The following GMPR variants were observed in gnomAD, a reference collection of about 807,000 sequenced individuals.
The protein encoded by GMPR is GMP reductase 1.
Under a neutral mutation model 38.4 loss-of-function variants are expected in GMPR, and 31 were observed. The observed-to-expected ratio is 0.81, with a 90% CI of 0.61 to 1.09. The LOEUF (loss-of-function observed/expected upper bound fraction) is 1.09. Ranked by LOEUF, GMPR falls within the 50% of genes least tolerant of loss-of-function variation. GMPR has a pLI of 0.00. For synonymous variants in GMPR, 162 were observed against 173.3 expected, an observed-to-expected ratio of 0.93 and a Z score of 0.51; for missense variants, 468 against 453.7, an observed-to-expected ratio of 1.03 and a Z score of -0.29.
At chr6:16,259,014 A>T (rs1191332781) in intron 4 of GMPR, 1 of 151,756 alleles carries the variant, frequency 6.6e-6, no homozygotes, top group Non-Finnish European at 1.5e-5. Flanking sequence ...GCCTTTTTTC[A>T]TGTGCGTCCG....
Position 16,250,369 on chromosome 6 carries a change from TACG to T in GMPR, c.291+5_291+7del. 1 of 1,551,912 alleles carries T rather than the reference TACG, an allele frequency of 6.4e-7. No individual in the cohort carries two copies. The highest frequency in any genetic ancestry group is 1.1e-5 in the South Asian group (1 of 89,846). Reference sequence around the variant, plus strand: ...ACAAATCACCCAGAATGCCTGCAGGTACGACTACAGCCTGGTTATCAATTACCA... The same window carrying T: ...ACAAATCACCCAGAATGCCTGCAGGTACTACAGCCTGGTTATCAATTACCA... On this transcript the variant is annotated splice_donor_5th_base_variant and intron_variant, in intron 3 of 8. Transcript: ENST00000259727.
chr6:16,263,499 AAG>A (rs1429790730), intron 4 of GMPR: 3 of 151,832 alleles, frequency 2.0e-5, no homozygotes, highest in South Asian at 2.1e-4. Flanking sequence ...GCCTAGAGAA[AAG>A]AGAGTAGAGA....
chr6:16,266,790 AAAAAC>A (rs1215581027), intron 4 of GMPR, among the ~76,000 whole-genome samples: 1 of 151,194 alleles, frequency 6.6e-6, no homozygotes, highest in East Asian at 2.0e-4. Flanking sequence ...CTCCGTCTCA[AAAAAC>A]AAACAAACAA....
Position 16,290,448 on chromosome 6 carries a change from C to T in GMPR, c.698-14C>T, listed in dbSNP as rs927185899. 2.5e-6 allele frequency: 4 copies of T among 1,612,566 alleles called. No homozygotes were observed. The highest frequency in any genetic ancestry group is 3.4e-6 in the Non-Finnish European group (4 of 1,178,772). On this transcript the variant is annotated splice_polypyrimidine_tract_variant and intron_variant, in intron 7 of 8. Coordinates refer to ENST00000259727, the MANE Select transcript of GMPR (RefSeq NM_006877.4). ...TCTCTGCTACTCGCTTTCATCCCCA[C>T]CGTTGGCATTTAGGAGCTGGAGCAG...
At chr6:16,279,314 C>G (rs752592773) in intron 6 of GMPR, among the ~76,000 whole-genome samples, 2 of 152,188 alleles carry the variant, frequency 1.3e-5, no homozygotes, top group Admixed American at 6.5e-5. Context: ...TTGCAGGCCT[C>G]TCTGTGACCT....
At chr6:16,285,680 G>A (rs998481999) in intron 6 of GMPR, 113 bp from the exon 7 acceptor site, 9 of 819,312 alleles carry the variant, frequency 1.1e-5, no homozygotes, top group African/African-American at 1.7e-5. Context: ...CCGTGGGCTT[G>A]CTGGGGGCTG....
chr6:16,257,250 C>A (rs552996223), intron 4 of GMPR, among the ~76,000 whole-genome samples: 1 of 152,178 alleles, frequency 6.6e-6, no homozygotes, highest in Admixed American at 6.5e-5. Context: ...GGGTGGCAGA[C>A]CCCAGCTCTG....
intron 4 of GMPR, among the ~76,000 whole-genome samples, chr6:16,261,607 G>A (rs1759087214): frequency 6.6e-6 from 1 of 151,996 alleles, no homozygotes; most frequent in East Asian, 1.9e-4. Context: ...AACTTGTAAG[G>A]CTTGTCTGGT....
chr6:16,294,962 G>T, intron 8 of GMPR, 44 bp from the exon 9 acceptor site: 1 of 1,494,250 alleles, frequency 6.7e-7, no homozygotes, highest in South Asian at 1.1e-5. Flanking sequence ...CTCTTAAGGT[G>T]GGGCGGGAAA....
intron 6 of GMPR, among the ~76,000 whole-genome samples, chr6:16,281,838 G>C (rs1262468118): frequency 6.6e-6 from 1 of 152,168 alleles, no homozygotes; most frequent in East Asian, 1.9e-4. Flanking sequence ...AATGCTGAGA[G>C]GTCTCCTAGA....
chr6:16,266,545 G>C (rs1487963559), intron 4 of GMPR, among the ~76,000 whole-genome samples: 3 of 151,286 alleles, frequency 2.0e-5, no homozygotes, highest in Non-Finnish European at 4.4e-5. Context: ...GCTCACGCCT[G>C]TAATCCTGGC....
chr6:16,241,088 C>A (rs1467016204), intron 1 of GMPR, among the ~76,000 whole-genome samples: 1 of 152,124 alleles, frequency 6.6e-6, no homozygotes, highest in Non-Finnish European at 1.5e-5. Flanking sequence ...CTTTTCCTTG[C>A]ACAATCAGAA....
intron 4 of GMPR, chr6:16,263,131 G>C (rs1362158188): frequency 3.3e-5 from 5 of 151,968 alleles, no homozygotes; most frequent in African/African-American, 4.8e-5. Flanking sequence ...TTGGGACTGA[G>C]GGGACAGGCG....
At position 16,295,202 on chromosome 6, in the gene GMPR, A is replaced by G. The variant is rs370677429; in HGVS notation, c.*16A>G. On this transcript the variant is annotated 3_prime_UTR_variant, in exon 9 of 9. Coordinates refer to ENST00000259727, the MANE Select transcript of GMPR (RefSeq NM_006877.4). ...GTTCAGCTAACCCTGGGGACAAAGC[A>G]GCGTCTGGCTCGAGTGGAAGCGTCC... The G allele has an allele frequency of 5.3e-5, 79 of 1,491,064 alleles. 1 individual carries two copies. In the African/African-American group the frequency reaches 9.0e-4, roughly 17 times the overall value. 92.4% of individuals were successfully genotyped at this position (1,491,064 alleles called of 1,614,324 possible). A position where few individuals can be genotyped will look rare whatever the true frequency, so the allele number is the denominator to read the frequency against.
intron 4 of GMPR, among the ~76,000 whole-genome samples, chr6:16,263,917 C>T (rs1377963523): frequency 6.6e-6 from 1 of 151,178 alleles, no homozygotes; most frequent in Non-Finnish European, 1.5e-5. Context: ...TGGGACTTGC[C>T]GCTAAGTGTG....
intron 6 of GMPR, among the ~76,000 whole-genome samples, chr6:16,280,634 G>T (rs1759557171): frequency 6.6e-6 from 1 of 152,228 alleles, no homozygotes; most frequent in Admixed American, 6.5e-5. Flanking sequence ...CAGTATGTCA[G>T]TGGTTCTCAA....
intron 6 of GMPR, among the ~76,000 whole-genome samples, chr6:16,279,565 A>C (rs781538129): frequency 6.6e-6 from 1 of 152,248 alleles, no homozygotes; most frequent in African/African-American, 2.4e-5. Context: ...ATAACAGGCC[A>C]CGTATCCCAT....
chr6:16,256,986 G>T (rs1396755411), intron 4 of GMPR, among the ~76,000 whole-genome samples: 1 of 152,182 alleles, frequency 6.6e-6, no homozygotes, highest in Non-Finnish European at 1.5e-5. Context: ...TTTCCTGGGT[G>T]ATAGCAGCAC....
At chr6:16,251,004 A>C (rs556385082) in intron 3 of GMPR, among the ~76,000 whole-genome samples, 1 of 152,338 alleles carries the variant, frequency 6.6e-6, no homozygotes, top group East Asian at 1.9e-4. Flanking sequence ...CGTTAACCAT[A>C]AGAGTTGCCA....
Sources: gnomAD v4.1 joint callset for allele counts (sites outside exome capture counted in the v4.1 genomes callset) on GRCh38, gnomAD v4.1.1 for gene constraint, MANE v1.5 for transcripts, NCBI Gene and HGNC (gene_info 2026-07-23, HGNC 2026-07-21) for gene names.